The following SH3KBP1 variants were observed in gnomAD, a reference collection of about 807,000 sequenced individuals.
SH3KBP1 encodes SH3 domain-containing kinase-binding protein 1.
SH3KBP1 carries 8 observed loss-of-function variants against 50.1 expected under a neutral mutation model. The ratio of observed to expected loss-of-function variants is 0.16; its 90% confidence interval spans 0.09 to 0.29. SH3KBP1 has a LOEUF of 0.29. Among genes scored for constraint, SH3KBP1 ranks in the 10% least tolerant of loss-of-function variants. The pLI is 1.00. For synonymous variants in SH3KBP1, 227 were observed against 218.6 expected (o/e 1.04, Z -0.34); for missense variants, 377 against 535.2 (o/e 0.70, Z 2.92).
chrX:19,579,608 A>T (rs1338817867), intron 12 of SH3KBP1, among the ~76,000 whole-genome samples: 1 of 112,005 alleles, frequency 8.9e-6, no homozygotes, highest in Non-Finnish European at 1.9e-5. Flanking sequence ...AATCCATGTG[A>T]CTCAGCCTGG....
intron 2 of SH3KBP1, among the ~76,000 whole-genome samples, chrX:19,748,634 A>T (rs1482071955): frequency 8.9e-6 from 1 of 111,974 alleles, no homozygotes; most frequent in Admixed American, 9.4e-5. Flanking sequence ...AGCAGGGAGG[A>T]GACAAAACCT....
chrX:19,844,800 C>A (rs1452236130), intron 1 of SH3KBP1, among the ~76,000 whole-genome samples: 1 of 112,561 alleles, frequency 8.9e-6, no homozygotes, highest in African/African-American at 3.2e-5. Flanking sequence ...GCATTAGAGG[C>A]CGGGCGCAGT....
At chrX:19,713,346 T>G (rs750783243) in intron 3 of SH3KBP1, among the ~76,000 whole-genome samples, 1 of 110,518 alleles carries the variant, frequency 9.0e-6, no homozygotes, top group East Asian at 2.9e-4. Flanking sequence ...CACTGCAGCC[T>G]TGACCTCCCA....
chrX:19,685,263 A>T lies in SH3KBP1; in HGVS notation c.521-1235T>A, dbSNP rs149742654. ...TACTTGCTCACATAAAATCTCATAA[A>T]ATGTGGAAGTCATTCAAATAAGGAA... On this transcript the variant is annotated intron_variant, in intron 5 of 17. Coordinates refer to ENST00000397821, the MANE Select transcript of SH3KBP1 (RefSeq NM_031892.3). Among the ~76,000 whole-genome samples the T allele has an allele frequency of 2.8e-4, 32 of 112,549 alleles. No homozygotes were observed. In the East Asian group the frequency reaches 8.0e-3, roughly 28 times the overall value.
intron 14 of SH3KBP1, among the ~76,000 whole-genome samples, chrX:19,549,583 A>G (rs2065182991): frequency 9.0e-6 from 1 of 111,528 alleles, no homozygotes; most frequent in African/African-American, 3.3e-5. Flanking sequence ...CTGGCGCTAT[A>G]TAGGAGCAGA....
intron 3 of SH3KBP1, among the ~76,000 whole-genome samples, chrX:19,739,569 C>CT (rs1213228670): frequency 1.3e-3 from 130 of 101,141 alleles, no homozygotes; most frequent in Non-Finnish European, 1.9e-3. Context: ...TATGGGAGTC[C>CT]TTTTTTTTTT....
intron 7 of SH3KBP1, among the ~76,000 whole-genome samples, chrX:19,645,097 C>T (rs1319890184): frequency 2.7e-5 from 3 of 112,037 alleles, no homozygotes; most frequent in Non-Finnish European, 5.6e-5. Context: ...TTTCAGCCAC[C>T]TTAACTGTGC....
chrX:19,870,001 A>G (rs192609312), intron 1 of SH3KBP1, among the ~76,000 whole-genome samples: 2 of 112,323 alleles, frequency 1.8e-5, no homozygotes, highest in East Asian at 5.6e-4. Flanking sequence ...AAGCAAAGCA[A>G]AAGTCCATCG....
At chrX:19,605,784 G>A (rs2067226479) in intron 9 of SH3KBP1, among the ~76,000 whole-genome samples, 1 of 111,509 alleles carries the variant, frequency 9.0e-6, no homozygotes, top group Non-Finnish European at 1.9e-5. Context: ...CTGAATGAGT[G>A]AATGAAAATA....
At chrX:19,652,489 C>T (rs1325462342) in intron 6 of SH3KBP1, among the ~76,000 whole-genome samples, 1 of 111,221 alleles carries the variant, frequency 9.0e-6, no homozygotes, top group Non-Finnish European at 1.9e-5. Flanking sequence ...CACACACACA[C>T]GCCCCATTCT....
intron 6 of SH3KBP1, among the ~76,000 whole-genome samples, chrX:19,658,558 ATCTT>A (rs763632083): frequency 2.7e-5 from 3 of 111,128 alleles, no homozygotes; most frequent in African/African-American, 3.3e-5. Flanking sequence ...GCTCAATGAT[ATCTT>A]TCTTTCTTTC....
intron 12 of SH3KBP1, among the ~76,000 whole-genome samples, chrX:19,583,137 T>TATC (rs1556001014): frequency 1.5e-5 from 1 of 65,570 alleles, no homozygotes; most frequent in East Asian, 3.1e-4. Flanking sequence ...TTATTATTAT[T>TATC]ATTATTATTA....
chrX:19,696,194 A>T (rs900518909), intron 4 of SH3KBP1, among the ~76,000 whole-genome samples: 8 of 111,975 alleles, frequency 7.1e-5, no homozygotes, highest in African/African-American at 2.6e-4. Context: ...GACCTTTGCT[A>T]TTTAGTCTAT....
At chrX:19,863,287 T>G (rs1412688355) in intron 1 of SH3KBP1, among the ~76,000 whole-genome samples, 1 of 111,093 alleles carries the variant, frequency 9.0e-6, no homozygotes, top group Non-Finnish European at 1.9e-5. Flanking sequence ...AGCCTTGAAC[T>G]CCTGAGCTCA....
At chrX:19,857,131 G>C (rs909888828) in intron 1 of SH3KBP1, among the ~76,000 whole-genome samples, 1 of 107,908 alleles carries the variant, frequency 9.3e-6, no homozygotes, top group African/African-American at 3.4e-5. Context: ...GACTGGAGGC[G>C]GGGAGGGCAG....
chrX:19,850,326 G>A (rs1379858004), intron 1 of SH3KBP1, among the ~76,000 whole-genome samples: 5 of 111,054 alleles, frequency 4.5e-5, no homozygotes, highest in African/African-American at 1.6e-4. Flanking sequence ...TAGGATTACA[G>A]GCACGCGCCA....
chrX:19,783,699 C>G (rs767974961), intron 2 of SH3KBP1, among the ~76,000 whole-genome samples: 1 of 111,145 alleles, frequency 9.0e-6, no homozygotes, highest in East Asian at 2.8e-4. Context: ...TTAGTGTATT[C>G]GAAATGTCTA....
intron 1 of SH3KBP1, among the ~76,000 whole-genome samples, chrX:19,850,951 C>T (rs955224143): frequency 9.0e-6 from 1 of 110,683 alleles, no homozygotes; most frequent in African/African-American, 3.3e-5. Flanking sequence ...CCATCTCACA[C>T]TGGGTTCCTC....
At chrX:19,688,212 T>G in intron 5 of SH3KBP1, among the ~76,000 whole-genome samples, 1 of 111,929 alleles carries the variant, frequency 8.9e-6, no homozygotes, top group Non-Finnish European at 1.9e-5. Flanking sequence ...AGACACAGAA[T>G]TCTCTTTAAA....
Sources: gnomAD v4.1 joint callset for allele counts (sites outside exome capture counted in the v4.1 genomes callset) on GRCh38, gnomAD v4.1.1 for gene constraint, MANE v1.5 for transcripts, NCBI Gene and HGNC (gene_info 2026-07-23, HGNC 2026-07-21) for gene names.